SH3RF2: variants seen among roughly 807,000 people sequenced by gnomAD.
SH3RF2 encodes E3 ubiquitin-protein ligase SH3RF2.
In SH3RF2, 43 loss-of-function variants were observed where a neutral mutation model predicts 59.0. The ratio of observed to expected loss-of-function variants is 0.73; its 90% CI spans 0.57 to 0.94. The LOEUF (loss-of-function observed/expected upper bound fraction) is 0.94, where lower values mean the gene tolerates loss of function less well. Ranked by LOEUF, SH3RF2 falls within the 40% of genes least tolerant of loss-of-function variation. The probability of loss-of-function intolerance (pLI) is 0.00; values close to 1 mark genes in which losing one functional copy is unlikely to be tolerated. For synonymous variants in SH3RF2, 391 were observed against 391.5 expected, an observed-to-expected ratio of 1.00 and a Z score of 0.01; for missense variants, 930 against 940.1, an observed-to-expected ratio of 0.99 and a Z score of 0.14.
intron 2 of SH3RF2, among the ~76,000 whole-genome samples, chr5:145,964,312 C>CTT (rs750453314): frequency 1.4e-3 from 156 of 111,178 alleles, no homozygotes; most frequent in Non-Finnish European, 2.4e-3. Flanking sequence ...TCCTTTCTTT[C>CTT]TTTTTTTTTT....
chr5:146,064,776 A>AAGGAAAGAAAGGAAGGAAAGG (rs1561773661), downstream of SH3RF2, among the ~76,000 whole-genome samples: 1 of 24,816 alleles, frequency 4.0e-5, no homozygotes, highest in African/African-American at 1.4e-4. Context: ...GGAAGGAAGG[A>AAGGAAAGAAAGGAAGGAAAGG]AAGGAAGGAA....
chr5:146,073,959 A>G (rs7707229), intron 9 of SH3RF2, among the ~76,000 whole-genome samples: 5,207 of 152,012 alleles, frequency 0.034, 288 homozygotes, highest in African/African-American at 0.12. Context: ...GACACGCAGC[A>G]TAGTGGGAAT....
In SH3RF2 at chr5:145,958,151, C is replaced by T. The variant is rs554295841; in HGVS notation, c.378+19845C>T. Among the ~76,000 whole-genome samples, 10 of 151,968 alleles carry T rather than the reference C, an allele frequency of 6.6e-5. No homozygotes were observed. In the East Asian group the frequency reaches 1.9e-3, roughly 29 times the overall value. On this transcript the variant is annotated intron_variant, in intron 2 of 9. Coordinates refer to ENST00000359120, the MANE Select transcript of SH3RF2 (RefSeq NM_152550.4). The stretch of plus-strand genomic sequence containing the variant: ...AAAAAAACAAAACAAAACAAAAAAA[C>T]CTGTGTTTGAATCCAGGTCTGTCAC...
intron 9 of SH3RF2, among the ~76,000 whole-genome samples, chr5:146,073,606 G>T (rs566895560): frequency 6.6e-6 from 1 of 152,148 alleles, no homozygotes; most frequent in Non-Finnish European, 1.5e-5. Flanking sequence ...ATTTAAAGTC[G>T]CAGAATGTTT....
At position 146,014,031 on chromosome 5, in the gene SH3RF2, A is replaced by C. The variant is rs144071150; in HGVS notation, c.1029A>C (p.Lys343Asn). The C allele has an allele frequency of 2.9e-4, 461 of 1,614,126 alleles. 4 individuals carry two copies. The highest frequency in any genetic ancestry group is 2.5e-3 in the South Asian group (231 of 91,078). ...NPSVITQPMEKADVPSSCVGQ... is the reference protein window; with the variant it reads ...NPSVITQPMENADVPSSCVGQ... Reference sequence around the variant, plus strand: ...CTGTGATCACCCAGCCCATGGAGAAAGCAGACGTTCCTTCCAGCTGTGTGG... The same window carrying C: ...CTGTGATCACCCAGCCCATGGAGAACGCAGACGTTCCTTCCAGCTGTGTGG... The change falls in exon 5 of 10, where the codon AAA (lysine) becomes AAC (asparagine). Residue 343 changes from lysine to asparagine, a missense_variant. Transcript: ENST00000359120.
intron 5 of SH3RF2, among the ~76,000 whole-genome samples, chr5:146,034,674 A>G (rs1456451738): frequency 2.0e-5 from 3 of 152,218 alleles, no homozygotes; most frequent in Non-Finnish European, 4.4e-5. Flanking sequence ...AAGGATATCC[A>G]GTGATAATAA....
At chr5:146,002,380 G>A (rs184773803) in intron 3 of SH3RF2, among the ~76,000 whole-genome samples, 28 of 152,150 alleles carry the variant, frequency 1.8e-4, no homozygotes, top group Non-Finnish European at 3.4e-4. Flanking sequence ...GAACCCAGGA[G>A]GCGGAGGTTG....
At chr5:145,970,683 A>C (rs1207300134) in intron 2 of SH3RF2, among the ~76,000 whole-genome samples, 1 of 152,200 alleles carries the variant, frequency 6.6e-6, no homozygotes, top group East Asian at 1.9e-4. Flanking sequence ...TATCATTTAT[A>C]AATTATCCAG....
chr5:145,937,681 G>C, intron 1 of SH3RF2, 142 bp from the exon 2 acceptor site: 1 of 526,484 alleles, frequency 1.9e-6, no homozygotes, highest in Non-Finnish European at 3.4e-6. Context: ...TGCTAGCATT[G>C]AATCAGAATG....
At chr5:146,045,614 A>G (rs1186186960) in intron 5 of SH3RF2, among the ~76,000 whole-genome samples, 1 of 152,208 alleles carries the variant, frequency 6.6e-6, no homozygotes, top group African/African-American at 2.4e-5. Context: ...TTCACTTAGC[A>G]TAATGTTTTC....
At chr5:145,992,621 C>T (rs1228603854) in intron 2 of SH3RF2, among the ~76,000 whole-genome samples, 1 of 152,080 alleles carries the variant, frequency 6.6e-6, no homozygotes, top group Admixed American at 6.6e-5. Flanking sequence ...GAGCATGTCA[C>T]ATCTTACATG....
intron 5 of SH3RF2, among the ~76,000 whole-genome samples, chr5:146,039,335 C>T (rs1046197730): frequency 5.9e-5 from 9 of 151,874 alleles, no homozygotes; most frequent in Non-Finnish European, 1.2e-4. Flanking sequence ...CAAAAGACAC[C>T]ACAGAGTAAA....
chr5:146,016,690 C>A (rs371501902), intron 5 of SH3RF2, among the ~76,000 whole-genome samples: 1 of 152,176 alleles, frequency 6.6e-6, no homozygotes, highest in African/African-American at 2.4e-5. Context: ...ACTATGCTGT[C>A]AACCAAGACC....
chr5:146,013,121 C>T (rs1666665194), intron 4 of SH3RF2, among the ~76,000 whole-genome samples: 1 of 152,198 alleles, frequency 6.6e-6, no homozygotes, highest in South Asian at 2.1e-4. Context: ...GCACTACATT[C>T]TGGCTCAAAC....
intron 2 of SH3RF2, among the ~76,000 whole-genome samples, chr5:145,959,832 G>A (rs1561710452): frequency 6.6e-6 from 1 of 152,134 alleles, no homozygotes; most frequent in East Asian, 1.9e-4. Context: ...TTCTATTGCT[G>A]TAGTTGGAGG....
At chr5:145,952,971 C>T (rs1758250120) in intron 2 of SH3RF2, among the ~76,000 whole-genome samples, 1 of 151,958 alleles carries the variant, frequency 6.6e-6, no homozygotes, top group Admixed American at 6.6e-5. Flanking sequence ...AGAGCTGCCC[C>T]CAAAGGCAAA....
chr5:145,962,593 G>A (rs1232207292), intron 2 of SH3RF2, among the ~76,000 whole-genome samples: 1 of 152,142 alleles, frequency 6.6e-6, no homozygotes, highest in Non-Finnish European at 1.5e-5. Context: ...AGTTCCTGCA[G>A]CAGGACTTCC....
chr5:146,004,078 C>G lies in SH3RF2; in HGVS notation c.669C>G (p.Ile223Met), dbSNP rs751106941. Residue 223 changes from isoleucine to methionine, a missense_variant, in exon 4 of 10, where the codon ATC becomes ATG. Ile to Met is a conservative substitution (Grantham distance 10). Coordinates refer to ENST00000359120, the MANE Select transcript of SH3RF2 (RefSeq NM_152550.4). Reference protein sequence around the residue: ...TFLKDDIITVISRVDENWAEG... With the variant: ...TFLKDDIITVMSRVDENWAEG... The stretch of plus-strand genomic sequence containing the variant: ...TTCAGGACGATATCATCACTGTGAT[C>G]AGCCGAGTGGATGAGAACTGGGCAG... The G allele has an allele frequency of 1.2e-6, 2 of 1,612,592 alleles. No homozygotes were observed. The highest frequency in any genetic ancestry group is 1.3e-5 in the African/African-American group (1 of 74,854).
intron 7 of SH3RF2, 27 bp downstream of exon 7, chr5:146,049,272 G>C: frequency 1.3e-6 from 2 of 1,579,868 alleles, no homozygotes; most frequent in Non-Finnish European, 1.7e-6. Flanking sequence ...CCCAGACTTT[G>C]GGAGGTTGGG....
Sources: gnomAD v4.1 joint callset for allele counts (sites outside exome capture counted in the v4.1 genomes callset) on GRCh38, gnomAD v4.1.1 for gene constraint, MANE v1.5 for transcripts, NCBI Gene and HGNC (gene_info 2026-07-23, HGNC 2026-07-21) for gene names.